The following FUT8 variants were observed in gnomAD, a reference collection of about 807,000 sequenced individuals.
The protein encoded by FUT8 is alpha-(1,6)-fucosyltransferase.
A neutral mutation model predicts 71.3 loss-of-function variants in FUT8; 29 were observed. The ratio of observed to expected loss-of-function variants is 0.41; its 90% CI spans 0.30 to 0.55. The LOEUF (loss-of-function observed/expected upper bound fraction) is 0.55. Among genes scored for constraint, FUT8 ranks in the 20% least tolerant of loss-of-function variants. The pLI is 0.34. For synonymous variants in FUT8, 254 were observed against 239.3 expected, an observed-to-expected ratio of 1.06 and a Z score of -0.57; for missense variants, 544 against 702.1, an observed-to-expected ratio of 0.77 and a Z score of 2.55.
chr14:65,402,895 C>T, the FUT8 span, among the ~76,000 whole-genome samples: 1 of 152,206 alleles, frequency 6.6e-6, no homozygotes, highest in Admixed American at 6.5e-5. Context: ...ACTTGTAAAT[C>T]ACACCAGCAC....
intron 7 of FUT8, among the ~76,000 whole-genome samples, chr14:65,704,954 G>T (rs938260451): frequency 6.6e-6 from 1 of 152,204 alleles, no homozygotes; most frequent in Non-Finnish European, 1.5e-5. Flanking sequence ...GCCTTTGCAA[G>T]GCATGTCTGT....
At chr14:65,423,236 G>A (rs1168335635) in intron 1 of FUT8, among the ~76,000 whole-genome samples, 1 of 149,374 alleles carries the variant, frequency 6.7e-6, no homozygotes, top group Non-Finnish European at 1.5e-5. Context: ...TGCCCACCTC[G>A]GCCTCCCAAA....
chr14:65,590,413 G>A (rs1023250222), intron 3 of FUT8, among the ~76,000 whole-genome samples: 1 of 152,128 alleles, frequency 6.6e-6, no homozygotes, highest in Non-Finnish European at 1.5e-5. Context: ...GACTTAACCT[G>A]CAGAATTGTT....
chr14:65,716,738 G>A (rs998628909), intron 7 of FUT8, among the ~76,000 whole-genome samples: 3 of 152,066 alleles, frequency 2.0e-5, no homozygotes, highest in East Asian at 1.9e-4. Flanking sequence ...CTCGATGGTC[G>A]CTGTCTCTTT....
chr14:65,536,924 T>G (rs923859343), intron 2 of FUT8, among the ~76,000 whole-genome samples: 2 of 152,004 alleles, frequency 1.3e-5, no homozygotes, highest in Admixed American at 6.6e-5. Context: ...AATCCCATAT[T>G]TCCTGGAGGT....
chr14:65,620,087 C>G (rs1889522032), intron 5 of FUT8, among the ~76,000 whole-genome samples: 1 of 152,084 alleles, frequency 6.6e-6, no homozygotes, highest in Non-Finnish European at 1.5e-5. Flanking sequence ...TTCATATTGC[C>G]AAATACCAGT....
intron 9 of FUT8, among the ~76,000 whole-genome samples, chr14:65,732,159 G>C (rs183314673): frequency 9.2e-4 from 140 of 152,338 alleles, no homozygotes; most frequent in Non-Finnish European, 1.7e-3. Flanking sequence ...AATGAGGCCA[G>C]ATGGATTTGA....
intron 7 of FUT8, among the ~76,000 whole-genome samples, chr14:65,710,671 A>G (rs1057225705): frequency 2.0e-5 from 3 of 152,082 alleles, no homozygotes; most frequent in Non-Finnish European, 4.4e-5. Flanking sequence ...AGTAGTTATT[A>G]TTTAGAGGTG....
chr14:65,678,234 A>G (rs1892862734), intron 7 of FUT8, among the ~76,000 whole-genome samples: 1 of 152,228 alleles, frequency 6.6e-6, no homozygotes, highest in Non-Finnish European at 1.5e-5. Context: ...AGCCAACATT[A>G]ATGAAACTCA....
intron 3 of FUT8, among the ~76,000 whole-genome samples, chr14:65,614,754 A>C (rs1889192081): frequency 6.6e-6 from 1 of 152,214 alleles, no homozygotes; most frequent in Non-Finnish European, 1.5e-5. Context: ...AAAATGGCTC[A>C]CCTAGATAAT....
At chr14:65,656,425 A>G (rs886747104) in intron 6 of FUT8, among the ~76,000 whole-genome samples, 1 of 152,206 alleles carries the variant, frequency 6.6e-6, no homozygotes, top group African/African-American at 2.4e-5. Context: ...GAAATTAACC[A>G]AAGAAGTAAA....
the FUT8 span, among the ~76,000 whole-genome samples, chr14:65,357,685 A>G: frequency 6.6e-6 from 1 of 152,198 alleles, no homozygotes; most frequent in Non-Finnish European, 1.5e-5. Flanking sequence ...CTAGCTGCAT[A>G]ATCTTGGACA....
chr14:65,566,924 A>G (rs1369041357), intron 3 of FUT8, among the ~76,000 whole-genome samples: 5 of 151,964 alleles, frequency 3.3e-5, no homozygotes, highest in Non-Finnish European at 7.4e-5. Flanking sequence ...TGAACCAGCC[A>G]TGTTGCTTCC....
intron 1 of FUT8, among the ~76,000 whole-genome samples, chr14:65,436,417 T>G (rs1283968802): frequency 6.6e-6 from 1 of 151,638 alleles, no homozygotes; most frequent in Non-Finnish European, 1.5e-5. Context: ...GATCACGAGG[T>G]CAGGAGATCG....
chr14:65,712,548 G>A (rs1025583463), intron 7 of FUT8, among the ~76,000 whole-genome samples: 4 of 152,034 alleles, frequency 2.6e-5, no homozygotes, highest in Admixed American at 6.6e-5. Flanking sequence ...GGGTTCAAGC[G>A]ATTCTCCTGC....
chr14:65,357,481 C>T, the FUT8 span, among the ~76,000 whole-genome samples: 35 of 152,206 alleles, frequency 2.3e-4, no homozygotes, highest in Non-Finnish European at 4.7e-4. Flanking sequence ...TTCTTTAGGG[C>T]TCTGCAGCCT....
At chr14:65,737,754 TATC>T (rs1467246745) in intron 10 of FUT8, among the ~76,000 whole-genome samples, 6 of 152,084 alleles carry the variant, frequency 3.9e-5, no homozygotes, top group African/African-American at 1.2e-4. Flanking sequence ...CATTAAAAGT[TATC>T]ATAATACAAA....
intron 3 of FUT8, among the ~76,000 whole-genome samples, chr14:65,562,998 A>G (rs1203130768): frequency 6.6e-6 from 1 of 151,976 alleles, no homozygotes; most frequent in African/African-American, 2.4e-5. Context: ...CTTTTTCTTC[A>G]TAATATTATT....
intron 3 of FUT8, among the ~76,000 whole-genome samples, chr14:65,599,973 A>G (rs1888212545): frequency 2.0e-5 from 3 of 152,248 alleles, no homozygotes; most frequent in African/African-American, 7.2e-5. Flanking sequence ...GAGTACATGA[A>G]GAAAATTAAA....
Sources: gnomAD v4.1 joint callset for allele counts (sites outside exome capture counted in the v4.1 genomes callset) on GRCh38, gnomAD v4.1.1 for gene constraint, MANE v1.5 for transcripts, NCBI Gene and HGNC (gene_info 2026-07-23, HGNC 2026-07-21) for gene names.